SLIT3: variants seen among roughly 807,000 people sequenced by gnomAD.
SLIT3 encodes the protein slit homolog 3 protein.
Under a neutral mutation model 184.0 loss-of-function variants are expected in SLIT3, and 68 were observed. The ratio of observed to expected loss-of-function variants is 0.37; its 90% CI spans 0.30 to 0.45. The LOEUF is 0.45. Among genes scored for constraint, SLIT3 ranks in the 20% least tolerant of loss-of-function variants. The pLI is 1.00. For synonymous variants in SLIT3, 831 were observed against 828.6 expected (o/e 1.00, Z -0.05); for missense variants, 1,707 against 2,026.0 (o/e 0.84, Z 3.02).
At chr5:168,710,827 G>T in intron 25 of SLIT3, 68 bp downstream of exon 25, 1 of 1,326,918 alleles carries the variant, frequency 7.5e-7, no homozygotes, top group Non-Finnish European at 9.9e-7. Context: ...ACCCTGCTCT[G>T]ACAGGTTGCT....
intron 4 of SLIT3, among the ~76,000 whole-genome samples, chr5:168,925,252 C>T (rs1479053910): frequency 6.6e-6 from 1 of 152,156 alleles, no homozygotes; most frequent in Non-Finnish European, 1.5e-5. Context: ...GTGAGCACCT[C>T]TGGGAGTAAC....
At chr5:168,782,718 T>C (rs1226023592) in intron 12 of SLIT3, among the ~76,000 whole-genome samples, 2 of 152,168 alleles carry the variant, frequency 1.3e-5, no homozygotes, top group East Asian at 3.9e-4. Flanking sequence ...TGTGGGATAT[T>C]TCAATTCTAA....
At chr5:169,163,089 G>A (rs1387501479) in intron 4 of SLIT3, among the ~76,000 whole-genome samples, 1 of 152,122 alleles carries the variant, frequency 6.6e-6, no homozygotes, top group Non-Finnish European at 1.5e-5. Context: ...TTGGGAGGTC[G>A]AGGTGGGTGG....
At chr5:169,043,996 A>G (rs1051208655) in intron 4 of SLIT3, among the ~76,000 whole-genome samples, 5 of 152,242 alleles carry the variant, frequency 3.3e-5, no homozygotes, top group African/African-American at 1.2e-4. Flanking sequence ...ATCCCAGATC[A>G]GAGAAACTTA....
intron 4 of SLIT3, among the ~76,000 whole-genome samples, chr5:169,131,906 G>A (rs1034767194): frequency 6.6e-6 from 1 of 152,108 alleles, no homozygotes; most frequent in African/African-American, 2.4e-5. Flanking sequence ...CTAGAGAGAG[G>A]GCACTTCACA....
intron 23 of SLIT3, 104 bp downstream of exon 23, chr5:168,722,152 G>A (rs1762962007): frequency 1.0e-6 from 1 of 968,890 alleles, no homozygotes; most frequent in Non-Finnish European, 1.6e-6. Flanking sequence ...GTGTTTGGGG[G>A]TGGAGTGGGC....
chr5:168,999,425 T>C (rs1439448535), intron 4 of SLIT3, among the ~76,000 whole-genome samples: 1 of 141,842 alleles, frequency 7.1e-6, no homozygotes, highest in Non-Finnish European at 1.6e-5. Context: ...TTGGATCAAA[T>C]AAAACAGCAC....
In SLIT3 at chr5:168,967,437, CTTTTTTTTTTTT is replaced by C. The variant is rs540309809; in HGVS notation, c.414-84113_414-84102del. ...TTCCTCTGGCACTGCCATCTCAAAT[CTTTTTTTTTTTT>C]TTTTTTTTGAGACGGAGTCTCGCTC... is the stretch of plus-strand genomic sequence containing the variant. On this transcript the variant is annotated intron_variant, in intron 4 of 35. Transcript: ENST00000519560. Among the ~76,000 whole-genome samples the C allele has an allele frequency of 6.1e-5, 2 of 32,732 alleles. 1 individual carries two copies. Among genetic ancestry groups the C allele is most frequent in the African/African-American group, 2.1e-4 (2 of 9,472 alleles). 21.5% of individuals were successfully genotyped at this position (32,732 alleles called of 152,430 possible).
chr5:169,089,147 G>A (rs757819352), intron 4 of SLIT3, among the ~76,000 whole-genome samples: 23 of 145,650 alleles, frequency 1.6e-4, no homozygotes, highest in South Asian at 4.6e-4. Flanking sequence ...GCCCTGTACC[G>A]CTATCTGCAC....
intron 4 of SLIT3, among the ~76,000 whole-genome samples, chr5:168,892,774 G>C (rs1760516493): frequency 6.6e-6 from 1 of 152,172 alleles, no homozygotes; most frequent in Admixed American, 6.5e-5. Flanking sequence ...TTGTGTTCAT[G>C]AAACAGCATT....
At chr5:169,135,408 G>A (rs1241942494) in intron 4 of SLIT3, among the ~76,000 whole-genome samples, 4 of 141,998 alleles carry the variant, frequency 2.8e-5, no homozygotes, top group African/African-American at 7.6e-5. Flanking sequence ...CACCACACCC[G>A]GCAGATCAGT....
At chr5:168,825,315 C>T (rs1054392155) in intron 6 of SLIT3, among the ~76,000 whole-genome samples, 1 of 152,182 alleles carries the variant, frequency 6.6e-6, no homozygotes, top group Admixed American at 6.5e-5. Context: ...GTAACAATTC[C>T]TTCTCCAGCC....
At chr5:169,032,922 ATTTTTTTT>A (rs199911562) in intron 4 of SLIT3, among the ~76,000 whole-genome samples, 2 of 88,130 alleles carry the variant, frequency 2.3e-5, no homozygotes, top group South Asian at 4.2e-4. Context: ...TTTTTCCTTG[ATTTTTTTT>A]TTTTTTTTTT....
chr5:169,210,190 C>T (rs374869231), intron 3 of SLIT3, among the ~76,000 whole-genome samples: 28 of 152,110 alleles, frequency 1.8e-4, no homozygotes, highest in East Asian at 1.4e-3. Flanking sequence ...ACCCAGGCAA[C>T]GGACATAGAG....
intron 4 of SLIT3, among the ~76,000 whole-genome samples, chr5:168,985,419 C>CT (rs1409629009): frequency 6.6e-6 from 1 of 152,112 alleles, no homozygotes; most frequent in Non-Finnish European, 1.5e-5. Flanking sequence ...GCTTTGCTTC[C>CT]GGCAAGGGGA....
At chr5:168,935,063 G>A (rs562091237) in intron 4 of SLIT3, among the ~76,000 whole-genome samples, 13 of 150,388 alleles carry the variant, frequency 8.6e-5, no homozygotes, top group African/African-American at 2.7e-4. Context: ...GTTTGAACCC[G>A]GGAGGTGGAG....
chr5:169,034,501 A>G (rs1187995610), intron 4 of SLIT3, among the ~76,000 whole-genome samples: 2 of 152,184 alleles, frequency 1.3e-5, no homozygotes, highest in African/African-American at 4.8e-5. Flanking sequence ...CATTTATTGA[A>G]CAGACTATCC....
chr5:169,000,945 G>C (rs1215222649), intron 4 of SLIT3, among the ~76,000 whole-genome samples: 14 of 152,168 alleles, frequency 9.2e-5, no homozygotes, highest in Non-Finnish European at 1.8e-4. Flanking sequence ...GCGTCGGAAA[G>C]CTTTCTTAGT....
At chr5:169,218,479 T>A (rs1014962385) in intron 3 of SLIT3, among the ~76,000 whole-genome samples, 1 of 152,238 alleles carries the variant, frequency 6.6e-6, no homozygotes, top group Admixed American at 6.5e-5. Context: ...CCAGATCTGC[T>A]GATTCTGACT....
Sources: gnomAD v4.1 joint callset for allele counts (sites outside exome capture counted in the v4.1 genomes callset) on GRCh38, gnomAD v4.1.1 for gene constraint, MANE v1.5 for transcripts, NCBI Gene and HGNC (gene_info 2026-07-23, HGNC 2026-07-21) for gene names.